The following LRBA variants were observed in gnomAD, a reference collection of about 807,000 sequenced individuals.
LRBA encodes LPS responsive beige-like anchor protein.
LRBA carries 176 observed loss-of-function variants against 330.0 expected under a neutral mutation model. The ratio of observed to expected loss-of-function variants is 0.53; its 90% CI spans 0.47 to 0.60. LRBA has a LOEUF of 0.60. LRBA is among the 20% of genes least tolerant of loss of function. The probability of loss-of-function intolerance (pLI) is 0.00; values close to 1 mark genes in which losing one functional copy is unlikely to be tolerated. For synonymous variants in LRBA, 1,230 were observed against 1,193.0 expected (o/e 1.03, Z -0.64); for missense variants, 3,259 against 3,444.8 (o/e 0.95, Z 1.35).
At chr4:150,554,590 G>A (rs981882134) in intron 40 of LRBA, among the ~76,000 whole-genome samples, 6 of 151,948 alleles carry the variant, frequency 3.9e-5, no homozygotes, top group Non-Finnish European at 7.4e-5. Context: ...TGACAATAAA[G>A]AATCAATCAC....
At chr4:150,861,171 C>G (rs1231556022) in intron 22 of LRBA, among the ~76,000 whole-genome samples, 1 of 151,988 alleles carries the variant, frequency 6.6e-6, no homozygotes, top group Non-Finnish European at 1.5e-5. Context: ...AATCATAGTT[C>G]ACTGTTACGT....
intron 44 of LRBA, among the ~76,000 whole-genome samples, chr4:150,458,465 A>C (rs1202443410): frequency 6.6e-6 from 1 of 151,856 alleles, no homozygotes; most frequent in Non-Finnish European, 1.5e-5. Context: ...AGGGTTATAT[A>C]AATTAAATAG....
chr4:150,954,775 A>AT (rs1357189989), intron 2 of LRBA, among the ~76,000 whole-genome samples: 3 of 142,136 alleles, frequency 2.1e-5, no homozygotes, highest in Non-Finnish European at 4.5e-5. Context: ...ATACTAAAAA[A>AT]TTTTTTAAAA....
intron 56 of LRBA, among the ~76,000 whole-genome samples, chr4:150,271,025 C>G (rs1746019544): frequency 6.6e-6 from 1 of 152,136 alleles, no homozygotes; most frequent in Non-Finnish European, 1.5e-5. Flanking sequence ...CTCGTTGGGA[C>G]TGGTTGGACA....
At chr4:150,596,814 G>A (rs541583578) in intron 38 of LRBA, among the ~76,000 whole-genome samples, 20 of 151,180 alleles carry the variant, frequency 1.3e-4, no homozygotes, top group African/African-American at 2.2e-4. Flanking sequence ...TTCTAACATC[G>A]AACAATACCA....
At chr4:150,609,142 T>C (rs770229668) in intron 37 of LRBA, among the ~76,000 whole-genome samples, 1 of 152,214 alleles carries the variant, frequency 6.6e-6, no homozygotes, top group Non-Finnish European at 1.5e-5. Context: ...TGTTCAGATA[T>C]CTATCACTTT....
chr4:150,504,149 C>A (rs1417081802), intron 40 of LRBA, among the ~76,000 whole-genome samples: 1 of 152,142 alleles, frequency 6.6e-6, no homozygotes, highest in Non-Finnish European at 1.5e-5. Flanking sequence ...CAGAATGGAA[C>A]CAAGTTGGAA....
chr4:150,737,875 T>C (rs1369982198), intron 35 of LRBA, among the ~76,000 whole-genome samples: 2 of 152,114 alleles, frequency 1.3e-5, no homozygotes, highest in Admixed American at 1.3e-4. Context: ...CACAAAATCA[T>C]TAGCTTTCCC....
rs1431549562 is a variant in LRBA, at chr4:150,868,324, A to G, written c.2450-19T>C. On this transcript the variant is annotated intron_variant, in intron 20 of 56. Transcript: ENST00000651943. ...AGTATCTCTGTAAGACAGTTTATAA[A>G]TAAGTAAAAACCAAACTCAACAAAA... The G allele has an allele frequency of 1.3e-6, 2 of 1,555,630 alleles. No individual in the cohort carries two copies. Among genetic ancestry groups the G allele is most frequent in the South Asian group, 1.3e-5 (1 of 79,468 alleles).
chr4:150,571,649 G>GTTTT (rs58652637), intron 40 of LRBA, among the ~76,000 whole-genome samples: 1,277 of 73,786 alleles, frequency 0.017, 30 homozygotes, highest in Middle Eastern at 0.036. Flanking sequence ...CTGGTTAGTT[G>GTTTT]TTTTTTTTTT....
chr4:150,330,208 C>T lies in LRBA; in HGVS notation c.7363-4310G>A, dbSNP rs568705214. On this transcript the variant is annotated intron_variant, in intron 48 of 56. Transcript: ENST00000651943. ...CTGGTTTTCTTCTACAAATATAAGC[C>T]ATCTCTGCCTTACATTTTCTACCAT... 3.3e-5 allele frequency among the ~76,000 whole-genome samples: 5 copies of T among 152,170 alleles called. No homozygotes were observed. In the South Asian group the frequency reaches 1.0e-3, roughly 32 times the overall value.
intron 46 of LRBA, among the ~76,000 whole-genome samples, chr4:150,421,613 C>G (rs1489389177): frequency 6.6e-6 from 1 of 152,098 alleles, no homozygotes; most frequent in East Asian, 1.9e-4. Context: ...CTAGCTTCAT[C>G]TACCTGTTGC....
At chr4:150,740,723 C>T (rs1731841776) in intron 35 of LRBA, among the ~76,000 whole-genome samples, 1 of 150,890 alleles carries the variant, frequency 6.6e-6, no homozygotes, top group South Asian at 2.1e-4. Flanking sequence ...TTAAAGATAT[C>T]AATTCTCCAC....
At position 150,302,728 on chromosome 4, in the gene LRBA, T is replaced by A; in HGVS notation, c.7914A>T (p.Ser2638=). The change falls in exon 53 of 57, where the codon TCA becomes TCT. Residue 2638 remains serine (S), a synonymous_variant. Coordinates refer to ENST00000651943, the MANE Select transcript of LRBA (RefSeq NM_001364905.1). The part of the protein sequence containing the change: ...DVVTCLARSE[S]YIGGNCYILS... ...GAATGTAGCAATTTCCCCCAATATA[T>A]GACTCAGAACGAGCAAGGCAAGTGA... 6.2e-7 allele frequency: 1 copy of A among 1,612,034 alleles called. No homozygotes were observed. The highest frequency in any genetic ancestry group is 2.2e-5 in the East Asian group (1 of 44,762).
chr4:150,656,244 T>C (rs1219345958), intron 37 of LRBA, among the ~76,000 whole-genome samples: 1 of 152,214 alleles, frequency 6.6e-6, no homozygotes, highest in African/African-American at 2.4e-5. Flanking sequence ...AAGTGAAAGG[T>C]CTAATTTTCA....
chr4:150,753,562 T>C (rs1408297581), intron 35 of LRBA, among the ~76,000 whole-genome samples: 1 of 152,170 alleles, frequency 6.6e-6, no homozygotes, highest in Non-Finnish European at 1.5e-5. Flanking sequence ...TATACAAACA[T>C]AAGCATATTC....
chr4:150,861,112 A>G (rs1751865472), intron 22 of LRBA, among the ~76,000 whole-genome samples: 1 of 152,108 alleles, frequency 6.6e-6, no homozygotes, highest in South Asian at 2.1e-4. Flanking sequence ...TTTTGTTTTA[A>G]CAAAAGACTG....
At chr4:150,581,004 T>C (rs1173286681) in intron 40 of LRBA, 1 of 156,450 alleles carries the variant, frequency 6.4e-6, no homozygotes, top group Non-Finnish European at 1.4e-5. Context: ...TTTACAACAG[T>C]AAGATTTTAA....
intron 44 of LRBA, among the ~76,000 whole-genome samples, chr4:150,454,198 A>T (rs1581364533): frequency 6.6e-6 from 1 of 152,112 alleles, no homozygotes; most frequent in Non-Finnish European, 1.5e-5. Context: ...TGACCTCATG[A>T]TCTGACCGCC....
Sources: allele counts gnomAD v4.1 joint callset (sites outside exome capture counted in the v4.1 genomes callset), GRCh38; gene constraint gnomAD v4.1.1; transcripts MANE v1.5; gene names NCBI Gene and HGNC (gene_info 2026-07-23, HGNC 2026-07-21).